Variants in RPGR observed in about 807,000 individuals in gnomAD.
RPGR encodes the protein X-linked retinitis pigmentosa GTPase regulator.
RPGR carries 10 observed loss-of-function variants against 56.3 expected under a neutral mutation model. That is an observed-to-expected ratio of 0.18 (90% CI 0.11 to 0.30). RPGR has a LOEUF of 0.30. RPGR is among the 10% of genes least tolerant of loss of function. RPGR has a pLI of 1.00. For synonymous variants in RPGR, 197 were observed against 212.9 expected (o/e 0.93, Z 0.65); for missense variants, 538 against 590.9 (o/e 0.91, Z 0.93).
chrX:38,295,240 G>A (rs1461527716), intron 11 of RPGR, among the ~76,000 whole-genome samples: 2 of 111,420 alleles, frequency 1.8e-5, no homozygotes, highest in Non-Finnish European at 3.8e-5. Flanking sequence ...AATACATCTA[G>A]TCTCCCTGTG....
chrX:38,273,589 C>A, intron 17 of RPGR: 1 of 539,037 alleles, frequency 1.9e-6, no homozygotes, highest in Non-Finnish European at 3.1e-6. Context: ...ACGAAAAGAG[C>A]TCACCCCTGG....
chrX:38,284,554 T>C lies in RPGR; in HGVS notation c.1905+2540A>G, dbSNP rs185996057. The C allele has an allele frequency of 5.9e-5, 44 of 750,080 alleles. 1 individual carries two copies. In the East Asian group the frequency reaches 3.9e-3, roughly 67 times the overall value. The allele number at this position is 750,080 out of a possible 1,213,427, so 61.8% of individuals were successfully genotyped here. On this transcript the variant is annotated intron_variant, in intron 15 of 18. Coordinates refer to ENST00000642395, the MANE Select transcript of RPGR (RefSeq NM_000328.3). ...AAGTACAGTTAAAGCTTGGAAATGA[T>C]AGGAGTTTAGAAATAAAAAATTACA...
chrX:38,316,047 G>C lies in RPGR; in HGVS notation c.619+1269C>G, dbSNP rs759663437. 6.3e-5 allele frequency among the ~76,000 whole-genome samples: 7 copies of C among 110,623 alleles called. No homozygotes were observed. In the South Asian group the frequency reaches 2.6e-3, roughly 42 times the overall value. ...ATATTAAGTAAAACCCCTTATACTT[G>C]AGTTATTTCCAAAATTTATAAAAAG... On this transcript the variant is annotated intron_variant, in intron 6 of 18. Coordinates refer to ENST00000642395, the MANE Select transcript of RPGR (RefSeq NM_000328.3).
At chrX:38,316,707 T>G (rs1431113515) in intron 6 of RPGR, among the ~76,000 whole-genome samples, 1 of 111,768 alleles carries the variant, frequency 8.9e-6, no homozygotes, top group Non-Finnish European at 1.9e-5. Context: ...GTTTACTCTC[T>G]CTTGGTATCA....
chrX:38,323,649 T>C, intron 1 of RPGR, 125 bp from the exon 2 acceptor site: 1 of 685,064 alleles, frequency 1.5e-6, no homozygotes, highest in Non-Finnish European at 2.2e-6. Flanking sequence ...ACTCTGGCAA[T>C]GTTTAAGCCT....
chrX:38,297,270 G>A lies in RPGR; in HGVS notation c.1414+14C>T. On this transcript the variant is annotated intron_variant, in intron 11 of 18. Transcript: ENST00000642395. ...CACATTTATCCTGAGAGCAGACAGA[G>A]TAGCAAATGTTACCTGGTTCCTCTG... 8.3e-7 allele frequency: 1 copy of A among 1,205,964 alleles called. No homozygotes were observed. Among genetic ancestry groups the A allele is most frequent in the Non-Finnish European group, 1.1e-6 (1 of 890,695 alleles).
At chrX:38,284,971 C>A in intron 15 of RPGR, 7 of 755,882 alleles carry the variant, frequency 9.3e-6, no homozygotes, top group Non-Finnish European at 1.1e-5. Flanking sequence ...ACAGCTGTCA[C>A]TTTGTAGATT....
chrX:38,301,675 A>G (rs1030187826), intron 8 of RPGR, among the ~76,000 whole-genome samples: 1 of 111,551 alleles, frequency 9.0e-6, no homozygotes, highest in South Asian at 3.8e-4. Context: ...TACACATCAT[A>G]TATTCCAAGG....
chrX:38,310,748 T>C lies in RPGR; in HGVS notation c.645A>G (p.Gly215=). The C allele has an allele frequency of 8.3e-7, 1 of 1,210,675 alleles. No individual in the cohort carries two copies. The highest frequency in any genetic ancestry group is 1.1e-6 in the Non-Finnish European group (1 of 894,953). The stretch of plus-strand genomic sequence containing the variant: ...GACCTAACTTCCCATTCTCAGGTTC[T>C]CCAAACACATATAGCTCACCATCTG... The change falls in exon 7 of 19, where the codon GGA becomes GGG. Residue 215 remains glycine, a synonymous_variant. Coordinates refer to ENST00000642395, the MANE Select transcript of RPGR (RefSeq NM_000328.3).
chrX:38,326,983 G>T, intron 1 of RPGR: 1 of 194,436 alleles, frequency 5.1e-6, no homozygotes. Context: ...CCTGAACCCG[G>T]GATGCGGAGG....
chrX:38,274,187 T>TACAGAAAC (rs1368286037), intron 17 of RPGR, among the ~76,000 whole-genome samples: 2 of 112,227 alleles, frequency 1.8e-5, no homozygotes, highest in African/African-American at 6.5e-5. Flanking sequence ...GGAGTCATAC[T>TACAGAAAC]ACAGAAACAC....
At chrX:38,276,374 C>T (rs1042512259) in intron 16 of RPGR, among the ~76,000 whole-genome samples, 2 of 111,838 alleles carry the variant, frequency 1.8e-5, no homozygotes, top group African/African-American at 6.5e-5. Flanking sequence ...CAGAATGCTA[C>T]CAAGCAGCAT....
chrX:38,320,267 TG>T (rs2067908829), intron 4 of RPGR, among the ~76,000 whole-genome samples: 1 of 1,961 alleles, frequency 5.1e-4, no homozygotes, highest in Non-Finnish European at 9.1e-4. Context: ...TAAGTGGTGG[TG>T]GGGGAGGGGC....
In RPGR at chrX:38,269,918, C is replaced by T. The variant is rs1225978596; in HGVS notation, c.2242-86G>A. On this transcript the variant is annotated intron_variant, in intron 18 of 18. Coordinates refer to ENST00000642395, the MANE Select transcript of RPGR (RefSeq NM_000328.3). ...TATTTAGGGGATATCATTTTCAACA[C>T]GTAAGAACATGATTTTGTCATCTCT... 9 of 647,565 alleles carry T rather than the reference C, an allele frequency of 1.4e-5. 1 individual carries two copies. Among genetic ancestry groups the T allele is most frequent in the Admixed American group, 1.1e-4 (4 of 36,968 alleles). The allele number at this position is 647,565 out of a possible 1,213,427, so 53.4% of individuals were successfully genotyped here.
intron 8 of RPGR, chrX:38,303,946 C>T (rs1018935105): frequency 4.6e-5 from 13 of 281,622 alleles, no homozygotes; most frequent in African/African-American, 2.2e-4. Context: ...ACCCGTTTGT[C>T]ACAAAGCATT....
At chrX:38,285,233 G>C in intron 15 of RPGR, 1 of 927,494 alleles carries the variant, frequency 1.1e-6, no homozygotes, top group Non-Finnish European at 1.3e-6. Flanking sequence ...GTATATTCCT[G>C]TTTCCTAAAG....
chrX:38,275,074 C>G (rs745535557), intron 17 of RPGR: 1 of 1,190,914 alleles, frequency 8.4e-7, no homozygotes, highest in Admixed American at 2.2e-5. Flanking sequence ...TGTATGTTAT[C>G]AAATGTGCTC....
intron 1 of RPGR, among the ~76,000 whole-genome samples, chrX:38,325,159 C>T (rs186397970): frequency 4.2e-5 from 4 of 95,437 alleles, no homozygotes; most frequent in African/African-American, 1.6e-4. Flanking sequence ...GACAGTGTGA[C>T]TGTGACTCCG....
intron 1 of RPGR, among the ~76,000 whole-genome samples, chrX:38,324,380 G>A (rs999494855): frequency 7.2e-5 from 8 of 111,068 alleles, no homozygotes; most frequent in African/African-American, 2.3e-4. Flanking sequence ...GATTGCAGGC[G>A]TGAACCATGA....
Sources: allele counts gnomAD v4.1 joint callset (sites outside exome capture counted in the v4.1 genomes callset), GRCh38; gene constraint gnomAD v4.1.1; transcripts MANE v1.5; gene names NCBI Gene and HGNC (gene_info 2026-07-23, HGNC 2026-07-21).